Variants in FBXO34 observed in about 807,000 individuals in gnomAD.
FBXO34 encodes F-box only protein 34.
A neutral mutation model predicts 24.5 loss-of-function variants in FBXO34; 12 were observed. The observed-to-expected ratio is 0.49, with a 90% CI of 0.31 to 0.79. The LOEUF (loss-of-function observed/expected upper bound fraction) is 0.79, where lower values mean the gene tolerates loss of function less well. FBXO34 is among the 30% of genes least tolerant of loss of function. The pLI, the probability that FBXO34 is intolerant of heterozygous loss-of-function variation, is 0.04. For synonymous variants in FBXO34, 320 were observed against 311.9 expected (o/e 1.03, Z -0.27); for missense variants, 823 against 857.7 (o/e 0.96, Z 0.51).
chr14:55,397,206 T>A, the FBXO34 span, among the ~76,000 whole-genome samples: 1 of 152,130 alleles, frequency 6.6e-6, no homozygotes, highest in East Asian at 1.9e-4. Context: ...CTTGGTAACT[T>A]CTCCTGCTTT....
chr14:55,346,982 T>C (rs1393827674), intron 1 of FBXO34, among the ~76,000 whole-genome samples: 3 of 152,102 alleles, frequency 2.0e-5, no homozygotes, highest in African/African-American at 4.8e-5. Context: ...ACCTCTAAAG[T>C]CCCTTCCAAT....
At chr14:55,386,158 C>T in the FBXO34 span, 1 of 1,349,628 alleles carries the variant, frequency 7.4e-7, no homozygotes, top group Non-Finnish European at 1.0e-6. Context: ...TACTGCAGAG[C>T]TCCACCCCAC....
downstream of FBXO34, among the ~76,000 whole-genome samples, chr14:55,355,737 C>G (rs911947331): frequency 1.3e-5 from 2 of 152,206 alleles, no homozygotes; most frequent in Admixed American, 6.5e-5. Context: ...ACCCACTGCA[C>G]TCAACTCAGA....
intron 1 of FBXO34, among the ~76,000 whole-genome samples, chr14:55,332,463 T>G (rs1238255117): frequency 6.6e-6 from 1 of 152,216 alleles, no homozygotes; most frequent in East Asian, 1.9e-4. Flanking sequence ...TCCCAGGTAA[T>G]GCAGATTAAC....
At chr14:55,334,027 G>C (rs1018987453) in intron 1 of FBXO34, among the ~76,000 whole-genome samples, 1 of 152,132 alleles carries the variant, frequency 6.6e-6, no homozygotes, top group Non-Finnish European at 1.5e-5. Flanking sequence ...GTTTACACAT[G>C]GCTGCTGAGT....
chr14:55,380,588 T>C, the FBXO34 span: 1 of 1,609,688 alleles, frequency 6.2e-7, no homozygotes, highest in Non-Finnish European at 8.5e-7. Context: ...GCAGAGCTTT[T>C]TGGGAAGATT....
chr14:55,436,681 G>A, the FBXO34 span: 39 of 1,614,104 alleles, frequency 2.4e-5, no homozygotes, highest in Non-Finnish European at 2.9e-5. Context: ...GACTGAGTCA[G>A]TATCACCAGG....
At chr14:55,397,287 G>A in the FBXO34 span, 1,237 of 1,145,348 alleles carry the variant, frequency 1.1e-3, 2 homozygotes, top group Non-Finnish European at 1.3e-3. Context: ...TTAGCAATCC[G>A]TATATCTGCA....
intron 1 of FBXO34, among the ~76,000 whole-genome samples, chr14:55,310,177 T>C (rs913546743): frequency 1.3e-5 from 2 of 152,144 alleles, no homozygotes; most frequent in Non-Finnish European, 2.9e-5. Context: ...GTGAGCTATC[T>C]AGAATGGAGA....
chr14:55,315,366 G>T (rs1231100471), intron 1 of FBXO34, among the ~76,000 whole-genome samples: 1 of 152,082 alleles, frequency 6.6e-6, no homozygotes, highest in East Asian at 1.9e-4. Context: ...ATCTGGACTG[G>T]TTGCCTACTG....
intron 1 of FBXO34, among the ~76,000 whole-genome samples, chr14:55,303,225 CAAG>C (rs1428945036): frequency 6.6e-6 from 1 of 151,708 alleles, no homozygotes; most frequent in Non-Finnish European, 1.5e-5. Flanking sequence ...AAAGATGATG[CAAG>C]AAGGAGCACT....
At chr14:55,273,189 T>C (rs926258370) in intron 1 of FBXO34, among the ~76,000 whole-genome samples, 1 of 149,432 alleles carries the variant, frequency 6.7e-6, no homozygotes, top group Non-Finnish European at 1.5e-5. Context: ...TTTTTTTTCC[T>C]CTCTCTCAAT....
intron 1 of FBXO34, among the ~76,000 whole-genome samples, chr14:55,338,044 ACTT>A (rs1244699845): frequency 9.5e-5 from 8 of 84,158 alleles, no homozygotes; most frequent in Non-Finnish European, 1.8e-4. Context: ...AAGAGTATGT[ACTT>A]CTTTTTTTTT....
chr14:55,426,762 T>C, the FBXO34 span, among the ~76,000 whole-genome samples: 1 of 151,976 alleles, frequency 6.6e-6, no homozygotes, highest in East Asian at 1.9e-4. Flanking sequence ...ATCATAAAAC[T>C]GTCCCAGGAG....
chr14:55,375,489 A>AT, the FBXO34 span, among the ~76,000 whole-genome samples: 1 of 107,766 alleles, frequency 9.3e-6, no homozygotes, highest in African/African-American at 4.2e-5. Context: ...CGCCGGGCTA[A>AT]ATTTTTTTTT....
the FBXO34 span, chr14:55,382,205 GAC>G: frequency 6.2e-7 from 1 of 1,611,918 alleles, no homozygotes; most frequent in East Asian, 2.2e-5. Context: ...CAAGTAGGAA[GAC>G]ACACACGGAT....
chr14:55,436,413 G>T, the FBXO34 span: 1 of 783,556 alleles, frequency 1.3e-6, no homozygotes. Context: ...ACTGTCTAAA[G>T]CCACAATCCA....
chr14:55,277,486 GC>G, intron 1 of FBXO34, among the ~76,000 whole-genome samples: 1 of 151,826 alleles, frequency 6.6e-6, no homozygotes, highest in East Asian at 1.9e-4. Flanking sequence ...ATGCCTGGCT[GC>G]TTTTTTTTTT....
chr14:55,422,501 G>A, the FBXO34 span, among the ~76,000 whole-genome samples: 4 of 151,792 alleles, frequency 2.6e-5, no homozygotes, highest in Non-Finnish European at 4.4e-5. Context: ...CGCCTGCCTC[G>A]GCCTCCCGAA....
Sources: allele counts gnomAD v4.1 joint callset (sites outside exome capture counted in the v4.1 genomes callset), GRCh38; gene constraint gnomAD v4.1.1; transcripts MANE v1.5; gene names NCBI Gene and HGNC (gene_info 2026-07-23, HGNC 2026-07-21).